PSMA5: variants seen among roughly 807,000 people sequenced by gnomAD.
PSMA5 encodes the protein proteasome subunit alpha type-5.
A neutral mutation model predicts 34.5 loss-of-function variants in PSMA5; 3 were observed. The ratio of observed to expected loss-of-function variants is 0.09; its 90% CI spans 0.04 to 0.22. The LOEUF is 0.22. Ranked by LOEUF, PSMA5 falls within the 10% of genes least tolerant of loss-of-function variation. The pLI, the probability that PSMA5 is intolerant of heterozygous loss-of-function variation, is 1.00. For missense variants in PSMA5, 120 were observed against 286.1 expected (o/e 0.42, Z 4.19); for synonymous variants, 88 against 95.8 (o/e 0.92, Z 0.47).
intron 2 of PSMA5, among the ~76,000 whole-genome samples, chr1:109,419,377 A>T (rs1275793948): frequency 2.6e-5 from 4 of 152,176 alleles, no homozygotes; most frequent in Non-Finnish European, 4.4e-5. Flanking sequence ...GATTTCATTA[A>T]GAATCCTTAA....
chr1:109,405,857 C>G (rs1346892950), intron 8 of PSMA5, among the ~76,000 whole-genome samples: 4 of 151,970 alleles, frequency 2.6e-5, no homozygotes, highest in East Asian at 1.9e-4. Flanking sequence ...AATTAGGAAG[C>G]CTCTGAAAAT....
intron 4 of PSMA5, chr1:109,412,841 A>AT: frequency 2.4e-6 from 1 of 418,760 alleles, no homozygotes; most frequent in Non-Finnish European, 4.2e-6. Flanking sequence ...CAAAAAAAAA[A>AT]GGAAGACACT....
At chr1:109,421,394 C>T (rs570873429) in intron 2 of PSMA5, among the ~76,000 whole-genome samples, 6 of 148,704 alleles carry the variant, frequency 4.0e-5, no homozygotes, top group Admixed American at 2.0e-4. Flanking sequence ...ACCCGAGGGG[C>T]GGAGGTTGCA....
In PSMA5 at chr1:109,401,239, A is replaced by T. The variant is rs1366322558; in HGVS notation, c.*774T>A. On this transcript the variant is annotated 3_prime_UTR_variant, in exon 9 of 9. Coordinates refer to ENST00000271308, the MANE Select transcript of PSMA5 (RefSeq NM_002790.4). ...TTGTAATTGATTGCCAGTGAGGCCA[A>T]GGTCATTAATTTAATTCTTAGTCCT... 2.0e-5 allele frequency: 3 copies of T among 152,164 alleles called. No individual in the cohort carries two copies. The highest frequency in any genetic ancestry group is 7.2e-5 in the African/African-American group (3 of 41,428). The allele number at this position is 152,164 out of a possible 1,614,324, so 9.4% of individuals were successfully genotyped here. A position where few individuals can be genotyped will look rare whatever the true frequency, so the allele number is the denominator to read the frequency against.
At chr1:109,408,792 G>GTGAT (rs1192961507) in intron 8 of PSMA5, among the ~76,000 whole-genome samples, 4 of 151,754 alleles carry the variant, frequency 2.6e-5, no homozygotes, top group Non-Finnish European at 5.9e-5. Flanking sequence ...CCGGGTTCAA[G>GTGAT]TGATTCTCAT....
At chr1:109,419,756 G>A (rs1243232735) in intron 2 of PSMA5, among the ~76,000 whole-genome samples, 6 of 133,456 alleles carry the variant, frequency 4.5e-5, no homozygotes, top group African/African-American at 1.1e-4. Context: ...CTGAGATAGC[G>A]CCACTGCACT....
chr1:109,406,654 C>T lies in PSMA5; in HGVS notation c.648+3274G>A, dbSNP rs546248553. ...TCAAGACCAGTCTAGGCAATACAGC[C>T]AGACCTCATCTCTTAAAAAAACAAA... On this transcript the variant is annotated intron_variant, in intron 8 of 8. Coordinates refer to ENST00000271308, the MANE Select transcript of PSMA5 (RefSeq NM_002790.4). 5.3e-5 allele frequency among the ~76,000 whole-genome samples: 8 copies of T among 152,206 alleles called. 1 individual carries two copies. The South Asian group carries it at 1.7e-3, about 32-fold the overall frequency.
At chr1:109,412,361 G>T in intron 4 of PSMA5, 177 bp from the exon 5 acceptor site, 1 of 563,884 alleles carries the variant, frequency 1.8e-6, no homozygotes. Flanking sequence ...AAATAGCTCT[G>T]GAAATAAACA....
chr1:109,416,776 C>T (rs1557843439), intron 2 of PSMA5, among the ~76,000 whole-genome samples: 1 of 152,156 alleles, frequency 6.6e-6, no homozygotes, highest in African/African-American at 2.4e-5. Context: ...TGCATAACTA[C>T]AGGAGATGAA....
Position 109,420,179 on chromosome 1 carries a change from C to T in PSMA5, c.96+1681G>A, listed in dbSNP as rs565103593. On this transcript the variant is annotated intron_variant, in intron 2 of 8. Coordinates refer to ENST00000271308, the MANE Select transcript of PSMA5 (RefSeq NM_002790.4). Reference sequence around the variant, plus strand: ...AATTATAAAATGCAAAATGGCTCAGCTGTGAAAAGCATTTAGTTATACTAA... The same window carrying T: ...AATTATAAAATGCAAAATGGCTCAGTTGTGAAAAGCATTTAGTTATACTAA... 2.6e-5 allele frequency among the ~76,000 whole-genome samples: 4 copies of T among 152,148 alleles called. No individual in the cohort carries two copies. In the South Asian group the frequency reaches 8.3e-4, roughly 32 times the overall value.
chr1:109,414,113 G>C lies in PSMA5; in HGVS notation c.224-978C>G, dbSNP rs1571022883. 2.0e-5 allele frequency among the ~76,000 whole-genome samples: 3 copies of C among 152,338 alleles called. No individual in the cohort carries two copies. In the Middle Eastern group the frequency reaches 0.01, roughly 518 times the overall value. On this transcript the variant is annotated intron_variant, in intron 3 of 8. Coordinates refer to ENST00000271308, the MANE Select transcript of PSMA5 (RefSeq NM_002790.4). ...CTCTCTGACCGACTCTGCTGCTGCA[G>C]TTCATGGCCCAGGCCTACAAAACTG...
chr1:109,420,704 T>C (rs1317471796), intron 2 of PSMA5, among the ~76,000 whole-genome samples: 3 of 152,178 alleles, frequency 2.0e-5, no homozygotes, highest in Non-Finnish European at 2.9e-5. Context: ...AATTCATATA[T>C]ACTTTTTATC....
chr1:109,408,851 T>C (rs1653888833), intron 8 of PSMA5, among the ~76,000 whole-genome samples: 1 of 151,850 alleles, frequency 6.6e-6, no homozygotes, highest in Admixed American at 6.6e-5. Flanking sequence ...CCACCACGCC[T>C]GGCTAATTTT....
intron 2 of PSMA5, among the ~76,000 whole-genome samples, chr1:109,416,125 T>C (rs1185043694): frequency 6.6e-6 from 1 of 152,178 alleles, no homozygotes; most frequent in East Asian, 1.9e-4. Context: ...CTGCCAAATA[T>C]GAACAAATGT....
At position 109,417,596 on chromosome 1, in the gene PSMA5, C is replaced by T. The variant is rs183448962; in HGVS notation, c.97-2233G>A. On this transcript the variant is annotated intron_variant, in intron 2 of 8. Coordinates refer to ENST00000271308, the MANE Select transcript of PSMA5 (RefSeq NM_002790.4). The stretch of plus-strand genomic sequence containing the variant: ...GTCTTTGGATTGGGGACACCAAGCA[C>T]AGTCTAAGGCAGGAATAATGTACTG... Among the ~76,000 whole-genome samples, 13 of 152,278 alleles carry T rather than the reference C, an allele frequency of 8.5e-5. No homozygotes were observed. The East Asian group carries it at 1.9e-3, about 23-fold the overall frequency.
intron 6 of PSMA5, 108 bp from the exon 7 acceptor site, chr1:109,411,221 A>C (rs1007900839): frequency 2.9e-6 from 2 of 693,802 alleles, no homozygotes; most frequent in Non-Finnish European, 5.0e-6. Context: ...CAGCCAGGAA[A>C]CACCACTGAA....
intron 8 of PSMA5, among the ~76,000 whole-genome samples, chr1:109,404,310 CAAAT>C (rs3060206): frequency 1.3e-3 from 199 of 151,776 alleles, no homozygotes; most frequent in Middle Eastern, 3.4e-3. Flanking sequence ...GATCCTGTCT[CAAAT>C]AAATAAATAA....
intron 8 of PSMA5, among the ~76,000 whole-genome samples, chr1:109,406,746 G>T (rs544408794): frequency 6.6e-6 from 1 of 152,228 alleles, no homozygotes; most frequent in African/African-American, 2.4e-5. Context: ...AGATCAATGT[G>T]GGGGAAGAGA....
intron 3 of PSMA5, 59 bp downstream of exon 3, chr1:109,415,178 C>CA: frequency 6.4e-7 from 1 of 1,552,888 alleles, no homozygotes; most frequent in Non-Finnish European, 8.7e-7. Context: ...CTTGGAACAT[C>CA]ATAGAGGACT....
Sources: allele counts gnomAD v4.1 joint callset (sites outside exome capture counted in the v4.1 genomes callset), GRCh38; gene constraint gnomAD v4.1.1; transcripts MANE v1.5; gene names NCBI Gene and HGNC (gene_info 2026-07-23, HGNC 2026-07-21).